RSPH10B: variants seen among roughly 807,000 people sequenced by gnomAD.
RSPH10B encodes radial spoke head 10 homolog B.
A neutral mutation model predicts 52.5 loss-of-function variants in RSPH10B; 7 were observed. The observed-to-expected ratio is 0.13, with a 90% confidence interval of 0.08 to 0.25. The LOEUF (loss-of-function observed/expected upper bound fraction) is 0.25. Among genes scored for constraint, RSPH10B ranks in the 10% least tolerant of loss-of-function variants. The pLI is 1.00. For missense variants in RSPH10B, 89 were observed against 542.5 expected (o/e 0.16, Z 8.30); for synonymous variants, 28 against 193.2 (o/e 0.14, Z 7.09).
At chr7:5,942,042 G>GC (rs1321018326) in intron 13 of RSPH10B, among the ~76,000 whole-genome samples, 3 of 149,662 alleles carry the variant, frequency 2.0e-5, no homozygotes, top group African/African-American at 7.4e-5. Flanking sequence ...ACAGGCTCCG[G>GC]CCACCATGCC....
chr7:5,943,635 C>G (rs893452282), intron 12 of RSPH10B, among the ~76,000 whole-genome samples, 163 bp from the exon 15 acceptor site: 4 of 148,728 alleles, frequency 2.7e-5, no homozygotes, highest in African/African-American at 7.5e-5. Flanking sequence ...CCTCCGCCCC[C>G]CAGGCTCAAG....
chr7:5,937,404 G>C (rs1434646978), intron 15 of RSPH10B, among the ~76,000 whole-genome samples: 2 of 129,066 alleles, frequency 1.5e-5, no homozygotes, highest in African/African-American at 5.2e-5. Context: ...CTTTTTGTTT[G>C]TTTGGTTTTT....
chr7:5,954,988 TAAAAAAAAAAA>T (rs1185408288), intron 7 of RSPH10B, among the ~76,000 whole-genome samples: 2 of 24,170 alleles, frequency 8.3e-5, no homozygotes, highest in African/African-American at 3.3e-4. Context: ...CTGTAACTAC[TAAAAAAAAAAA>T]AAAAAAAAAA....
At chr7:5,963,902 CAAAAAA>C (rs529339716) in intron 3 of RSPH10B, among the ~76,000 whole-genome samples, 9 of 83,180 alleles carry the variant, frequency 1.1e-4, no homozygotes, top group Non-Finnish European at 1.7e-4. Context: ...CCTGTCTCTA[CAAAAAA>C]AAAAAAAAAA....
At chr7:5,953,920 C>T (rs1404980127) in intron 7 of RSPH10B, among the ~76,000 whole-genome samples, 4 of 83,508 alleles carry the variant, frequency 4.8e-5, no homozygotes, top group East Asian at 3.8e-4. Flanking sequence ...CTCGGCTCAC[C>T]GCAAGTTCTG....
intron 1 of RSPH10B, among the ~76,000 whole-genome samples, chr7:5,965,991 C>T (rs1781095043): frequency 3.1e-5 from 3 of 96,360 alleles, no homozygotes; most frequent in South Asian, 3.9e-4. Context: ...AGTGCAATGA[C>T]GTGATCTTGG....
intron 11 of RSPH10B, among the ~76,000 whole-genome samples, chr7:5,944,539 T>C (rs1470012757): frequency 4.0e-5 from 6 of 149,214 alleles, no homozygotes; most frequent in Non-Finnish European, 5.9e-5. Context: ...CCGAGAGATA[T>C]TTGCAGTATT....
At chr7:5,964,249 G>C (rs1167278624) in intron 3 of RSPH10B, among the ~76,000 whole-genome samples, 2 of 150,578 alleles carry the variant, frequency 1.3e-5, no homozygotes, top group Non-Finnish European at 3.0e-5. Flanking sequence ...AAAAAAGTAG[G>C]ACAAGCTACA....
chr7:5,941,482 C>T lies in RSPH10B; in HGVS notation c.1758+1842G>A, dbSNP rs530776684. 3.0e-3 allele frequency among the ~76,000 whole-genome samples: 448 copies of T among 148,394 alleles called. 9 individuals carry two copies. Among genetic ancestry groups the T allele is most frequent in the African/African-American group, 9.0e-3 (365 of 40,646 alleles). The stretch of plus-strand genomic sequence containing the variant: ...GGAACAGGCCAGGCACAGTGGCTCA[C>T]GCCTGTAATCCCAGCACTTTGGGAG... On this transcript the variant is annotated intron_variant, in intron 13 of 18. Transcript: ENST00000337579.
chr7:5,931,767 G>A (rs1164149143), intron 17 of RSPH10B, among the ~76,000 whole-genome samples: 6 of 150,972 alleles, frequency 4.0e-5, no homozygotes, highest in Non-Finnish European at 5.9e-5. Flanking sequence ...TTAGGAGGCT[G>A]AGGCAGGCAG....
At chr7:5,956,372 C>T (rs1326347770) in intron 6 of RSPH10B, among the ~76,000 whole-genome samples, 191 bp from the exon 9 acceptor site, 52 of 6,300 alleles carry the variant, frequency 8.3e-3, no homozygotes, top group African/African-American at 0.027. Context: ...AGGCAGATCA[C>T]TTAAGCCCTC....
At chr7:5,952,729 CTTT>C (rs1184827967) in intron 8 of RSPH10B, among the ~76,000 whole-genome samples, 1 of 81,708 alleles carries the variant, frequency 1.2e-5, no homozygotes, top group Non-Finnish European at 2.2e-5. Context: ...AATTTTATTT[CTTT>C]TTTTTTTTCC....
At chr7:5,943,761 G>A (rs1283364476) in intron 12 of RSPH10B, 150 bp downstream of exon 14, 1 of 1,481,852 alleles carries the variant, frequency 6.7e-7, no homozygotes, top group Admixed American at 2.2e-5. Flanking sequence ...GGCCAGGCTG[G>A]TCTTGAACTC....
At chr7:5,941,441 A>C (rs1262542220) in intron 13 of RSPH10B, among the ~76,000 whole-genome samples, 1 of 145,842 alleles carries the variant, frequency 6.9e-6, no homozygotes, top group African/African-American at 2.5e-5. Context: ...CCACAAGTAC[A>C]AATTAAAAGT....
Position 5,927,022 on chromosome 7 carries a change from C to CGTGTGTGTGTGTGTGTGT in RSPH10B, c.2433-492_2433-475dup, listed in dbSNP as rs373901374. On this transcript the variant is annotated intron_variant, in intron 18 of 18. Transcript: ENST00000337579. ...CACCCACCTCGGCCTCCCAAAGTTA[C>CGTGTGTGTGTGTGTGTGT]GTGTGTGTGTGTGTGTGTGTGTGTA... Among the ~76,000 whole-genome samples the CGTGTGTGTGTGTGTGTGT allele has an allele frequency of 1.0e-3, 96 of 95,932 alleles. 1 individual carries two copies. Among genetic ancestry groups the CGTGTGTGTGTGTGTGTGT allele is most frequent in the African/African-American group, 4.4e-3 (92 of 20,950 alleles). The allele number at this position is 95,932 out of a possible 152,430, so 62.9% of individuals were successfully genotyped here.
chr7:5,955,139 T>C (rs1369797226), intron 7 of RSPH10B, among the ~76,000 whole-genome samples: 2 of 139,600 alleles, frequency 1.4e-5, no homozygotes, highest in Non-Finnish European at 3.1e-5. Context: ...CACTCCAGCC[T>C]GGGCAACAGA....
At chr7:5,943,180 C>T (rs1165789253) in intron 13 of RSPH10B, 144 bp downstream of exon 15, 1 of 1,497,730 alleles carries the variant, frequency 6.7e-7, no homozygotes, top group East Asian at 2.3e-5. Context: ...TGCCAAGAGA[C>T]TCAGTAAACA....
At chr7:5,954,171 C>T (rs1387715443) in intron 7 of RSPH10B, among the ~76,000 whole-genome samples, 1 of 115,308 alleles carries the variant, frequency 8.7e-6, no homozygotes, top group Admixed American at 9.5e-5. Flanking sequence ...GGTGGAGCCT[C>T]GCTGTCACTC....
At chr7:5,961,460 C>T (rs1309868837) in intron 3 of RSPH10B, among the ~76,000 whole-genome samples, 2 of 121,574 alleles carry the variant, frequency 1.6e-5, no homozygotes, top group Admixed American at 8.3e-5. Context: ...CTGCCTCAGC[C>T]TCCCAAGTAG....
Sources: gnomAD v4.1 joint callset for allele counts (sites outside exome capture counted in the v4.1 genomes callset) on GRCh38, gnomAD v4.1.1 for gene constraint, MANE v1.5 for transcripts, NCBI Gene and HGNC (gene_info 2026-07-23, HGNC 2026-07-21) for gene names.